Variants in SLCO5A1 observed in about 807,000 individuals in gnomAD.
The protein encoded by SLCO5A1 is organic anion transporter polypeptide-related protein 4.
In SLCO5A1, 39 loss-of-function variants were observed where a neutral mutation model predicts 65.1. The observed-to-expected ratio is 0.60, with a 90% CI of 0.46 to 0.78. SLCO5A1 has a LOEUF of 0.78. Among genes scored for constraint, SLCO5A1 ranks in the 30% least tolerant of loss-of-function variants. SLCO5A1 has a pLI of 0.00. For synonymous variants in SLCO5A1, 438 were observed against 415.7 expected, an observed-to-expected ratio of 1.05 and a Z score of -0.65; for missense variants, 1,029 against 1,069.4, an observed-to-expected ratio of 0.96 and a Z score of 0.53.
chr8:69,681,960 TG>T (rs1183619958), intron 7 of SLCO5A1, among the ~76,000 whole-genome samples: 2 of 152,140 alleles, frequency 1.3e-5, no homozygotes, highest in Non-Finnish European at 2.9e-5. Context: ...AAGGCTGATA[TG>T]GAACAAAATC....
chr8:69,688,926 A>G (rs1814117581), intron 6 of SLCO5A1, among the ~76,000 whole-genome samples: 1 of 152,100 alleles, frequency 6.6e-6, no homozygotes, highest in African/African-American at 2.4e-5. Flanking sequence ...GACTTCCACC[A>G]TGGTTGAACT....
At chr8:69,679,640 T>C in intron 7 of SLCO5A1, 21 bp from the exon 8 acceptor site, 1 of 1,611,426 alleles carries the variant, frequency 6.2e-7, no homozygotes. Flanking sequence ...AAAATAAAGA[T>C]GAGTTGTGTG....
intron 2 of SLCO5A1, chr8:69,794,084 GT>G: frequency 5.4e-6 from 1 of 184,284 alleles, no homozygotes; most frequent in Non-Finnish European, 1.1e-5. Flanking sequence ...GGGAGTCATG[GT>G]TTCCCTGGCA....
intron 5 of SLCO5A1, among the ~76,000 whole-genome samples, chr8:69,713,062 G>T (rs1470972961): frequency 6.6e-6 from 1 of 152,126 alleles, no homozygotes; most frequent in African/African-American, 2.4e-5. Flanking sequence ...ATTAGCAAAA[G>T]CTTAAACTGC....
At chr8:69,800,487 GC>G (rs1779801756) in intron 2 of SLCO5A1, among the ~76,000 whole-genome samples, 1 of 152,050 alleles carries the variant, frequency 6.6e-6, no homozygotes, top group South Asian at 2.1e-4. Flanking sequence ...TCTAAACTTT[GC>G]TACTCTATAT....
At chr8:69,814,715 A>G (rs1820334566) in intron 2 of SLCO5A1, among the ~76,000 whole-genome samples, 1 of 152,122 alleles carries the variant, frequency 6.6e-6, no homozygotes, top group South Asian at 2.1e-4. Flanking sequence ...TCAAGGAGAT[A>G]TTTGCATTCC....
chr8:69,819,158 C>T (rs541319562), intron 2 of SLCO5A1, among the ~76,000 whole-genome samples: 11 of 152,108 alleles, frequency 7.2e-5, no homozygotes, highest in African/African-American at 1.7e-4. Flanking sequence ...TTCTCTCTGC[C>T]GCCACTGCTC....
intron 2 of SLCO5A1, among the ~76,000 whole-genome samples, chr8:69,805,180 C>T (rs1302608388): frequency 6.6e-6 from 1 of 151,940 alleles, no homozygotes; most frequent in Non-Finnish European, 1.5e-5. Context: ...TTGTTTGACA[C>T]GAGCCACACC....
At position 69,776,131 on chromosome 8, in the gene SLCO5A1, T is replaced by C. The variant is rs114923339; in HGVS notation, c.908-14256A>G. Among the ~76,000 whole-genome samples the C allele has an allele frequency of 4.5e-3, 682 of 152,358 alleles. 6 individuals are homozygous for C. The highest frequency in any genetic ancestry group is 0.014 in the African/African-American group (601 of 41,590). On this transcript the variant is annotated intron_variant, in intron 2 of 9. Coordinates refer to ENST00000260126, the MANE Select transcript of SLCO5A1 (RefSeq NM_030958.3). ...ACAAAATCAATGAGTTAGTTATTCT[T>C]GTCCAATGCTGGTACAAAGTCACAC...
chr8:69,729,165 C>A (rs1353069818), intron 5 of SLCO5A1, among the ~76,000 whole-genome samples: 1 of 152,180 alleles, frequency 6.6e-6, no homozygotes, highest in Non-Finnish European at 1.5e-5. Context: ...GATAACTGCG[C>A]CCGGTGCAGT....
intron 4 of SLCO5A1, among the ~76,000 whole-genome samples, chr8:69,752,791 G>A (rs1817374005): frequency 2.0e-5 from 3 of 152,146 alleles, no homozygotes; most frequent in Admixed American, 2.0e-4. Context: ...AGGAGGTTTG[G>A]CTGCAGAAGT....
At chr8:69,706,538 C>T (rs1274202195) in intron 5 of SLCO5A1, among the ~76,000 whole-genome samples, 1 of 152,106 alleles carries the variant, frequency 6.6e-6, no homozygotes, top group Non-Finnish European at 1.5e-5. Context: ...GGGATTCATG[C>T]CCTTATAAAA....
At chr8:69,763,356 T>C (rs1817891411) in intron 2 of SLCO5A1, among the ~76,000 whole-genome samples, 1 of 150,964 alleles carries the variant, frequency 6.6e-6, no homozygotes, top group Non-Finnish European at 1.5e-5. Flanking sequence ...GGCTCATGCC[T>C]ATAATCCCAG....
At chr8:69,711,082 G>A (rs1478520644) in intron 5 of SLCO5A1, among the ~76,000 whole-genome samples, 1 of 152,108 alleles carries the variant, frequency 6.6e-6, no homozygotes, top group Non-Finnish European at 1.5e-5. Flanking sequence ...TTATGGAGCG[G>A]CTGCGAGTCA....
intron 2 of SLCO5A1, among the ~76,000 whole-genome samples, chr8:69,797,382 G>A (rs1395857471): frequency 6.6e-6 from 1 of 152,210 alleles, no homozygotes; most frequent in East Asian, 1.9e-4. Context: ...TGTAGAGCAT[G>A]TGTGTTTGAA....
chr8:69,806,668 C>G (rs1051533142), intron 2 of SLCO5A1, among the ~76,000 whole-genome samples: 1 of 152,160 alleles, frequency 6.6e-6, no homozygotes, highest in Non-Finnish European at 1.5e-5. Flanking sequence ...ACTGTCTCAC[C>G]CACCTCCCTT....
intron 1 of SLCO5A1, 63 bp downstream of exon 1, chr8:69,834,791 G>C (rs1379134429): frequency 6.7e-6 from 1 of 150,104 alleles, no homozygotes; most frequent in Non-Finnish European, 1.5e-5. Flanking sequence ...GAGCCCGTGG[G>C]AAGACAAGAC....
chr8:69,828,199 T>C (rs1820998855), intron 2 of SLCO5A1, among the ~76,000 whole-genome samples: 1 of 152,044 alleles, frequency 6.6e-6, no homozygotes, highest in Admixed American at 6.6e-5. Flanking sequence ...CCTACTGAGA[T>C]CCATTTAATA....
At chr8:69,675,101 G>T (rs1463719006) in intron 9 of SLCO5A1, among the ~76,000 whole-genome samples, 1 of 149,966 alleles carries the variant, frequency 6.7e-6, no homozygotes, top group African/African-American at 2.5e-5. Flanking sequence ...TACCCCTTTG[G>T]TTAACAAATC....
Sources: gnomAD v4.1 joint callset for allele counts (sites outside exome capture counted in the v4.1 genomes callset) on GRCh38, gnomAD v4.1.1 for gene constraint, MANE v1.5 for transcripts, NCBI Gene and HGNC (gene_info 2026-07-23, HGNC 2026-07-21) for gene names.